The following FHIT variants were observed in gnomAD, a reference collection of about 807,000 sequenced individuals.
FHIT encodes the protein bis(5'-adenosyl)-triphosphatase.
In FHIT, 19 loss-of-function variants were observed where a neutral mutation model predicts 17.9. The observed-to-expected ratio is 1.06, with a 90% CI of 0.74 to 1.56. The LOEUF (loss-of-function observed/expected upper bound fraction) is 1.56, where lower values mean the gene tolerates loss of function less well. FHIT is among the 40% of genes most tolerant of loss of function. The pLI is 0.00. For missense variants in FHIT, 248 were observed against 189.2 expected, an observed-to-expected ratio of 1.31 and a Z score of -1.82; for synonymous variants, 81 against 69.7, an observed-to-expected ratio of 1.16 and a Z score of -0.81.
chr3:59,821,715 C>T (rs1182272011), intron 8 of FHIT, among the ~76,000 whole-genome samples: 3 of 152,114 alleles, frequency 2.0e-5, no homozygotes, highest in African/African-American at 7.2e-5. Context: ...GCCAAGATTA[C>T]AACTGTTTCC....
At chr3:61,099,982 T>C (rs2035766743) in intron 2 of FHIT, among the ~76,000 whole-genome samples, 1 of 152,154 alleles carries the variant, frequency 6.6e-6, no homozygotes, top group Admixed American at 6.6e-5. Flanking sequence ...GTTATTGTTG[T>C]CTGGTTTAGT....
intron 5 of FHIT, among the ~76,000 whole-genome samples, chr3:60,212,419 C>T (rs1703497139): frequency 6.6e-6 from 1 of 152,162 alleles, no homozygotes; most frequent in Non-Finnish European, 1.5e-5. Flanking sequence ...ATGTACATGA[C>T]AGCAGACCTC....
rs1576113035 is a variant in FHIT, at chr3:60,106,771, T to C, written c.104-92619A>G. 3.9e-5 allele frequency among the ~76,000 whole-genome samples: 6 copies of C among 152,200 alleles called. No homozygotes were observed. In the South Asian group the frequency reaches 1.0e-3, roughly 26 times the overall value. ...GTGAATCCAAAAGCCACAATATTGA[T>C]GGACGGCAGGAAACGTCCAGTATCT... On this transcript the variant is annotated intron_variant, in intron 5 of 9. Transcript: ENST00000492590.
At chr3:61,214,454 C>G (rs1300862498) in intron 1 of FHIT, among the ~76,000 whole-genome samples, 1 of 152,116 alleles carries the variant, frequency 6.6e-6, no homozygotes, top group South Asian at 2.1e-4. Context: ...AAGACTAAAG[C>G]AGGAAGAAGT....
chr3:59,925,164 T>C (rs538443535), intron 7 of FHIT, among the ~76,000 whole-genome samples: 63 of 152,126 alleles, frequency 4.1e-4, no homozygotes, highest in African/African-American at 1.5e-3. Flanking sequence ...AGTACAGTGA[T>C]ACAATCATAG....
In FHIT at chr3:60,874,560, C is replaced by T. The variant is rs371867350; in HGVS notation, c.-110-52549G>A. ...ACCTTTATCTACTTTCTACTTCTAACGGAGAACTAGAGTCCTGTTTAGAAC... is the reference window on the plus strand; with the variant it reads ...ACCTTTATCTACTTTCTACTTCTAATGGAGAACTAGAGTCCTGTTTAGAAC... On this transcript the variant is annotated intron_variant, in intron 3 of 9. Coordinates refer to ENST00000492590, the MANE Select transcript of FHIT (RefSeq NM_002012.4). Among the ~76,000 whole-genome samples, 26 of 152,254 alleles carry T rather than the reference C, an allele frequency of 1.7e-4. No homozygotes were observed. The South Asian group carries it at 3.3e-3, about 19-fold the overall frequency.
At chr3:60,588,986 A>T (rs1553663157) in intron 4 of FHIT, among the ~76,000 whole-genome samples, 1 of 152,024 alleles carries the variant, frequency 6.6e-6, no homozygotes, top group Non-Finnish European at 1.5e-5. Context: ...GCATGAGTCC[A>T]GGAAAGAATA....
chr3:60,838,328 C>A (rs1292210373), intron 3 of FHIT, among the ~76,000 whole-genome samples: 1 of 151,938 alleles, frequency 6.6e-6, no homozygotes, highest in African/African-American at 2.4e-5. Flanking sequence ...AAAAATTAGC[C>A]GGGCGTGGTG....
intron 4 of FHIT, among the ~76,000 whole-genome samples, chr3:60,796,485 T>G (rs2594170): frequency 0.39 from 60,062 of 152,086 alleles, 13,324 homozygotes; most frequent in East Asian, 0.78. Context: ...CCATAGCTCA[T>G]ATGTGTTATA....
chr3:60,919,319 A>G (rs1707160694), intron 3 of FHIT, among the ~76,000 whole-genome samples: 1 of 152,198 alleles, frequency 6.6e-6, no homozygotes, highest in Admixed American at 6.5e-5. Flanking sequence ...ATTTCATTAT[A>G]CAAACTTAAA....
At chr3:60,740,012 A>C (rs1475310906) in intron 4 of FHIT, among the ~76,000 whole-genome samples, 1 of 152,246 alleles carries the variant, frequency 6.6e-6, no homozygotes, top group African/African-American at 2.4e-5. Flanking sequence ...AATAAATAAT[A>C]GAATATCCTT....
intron 5 of FHIT, among the ~76,000 whole-genome samples, chr3:60,247,585 T>G (rs910116528): frequency 6.6e-6 from 1 of 152,170 alleles, no homozygotes. Flanking sequence ...AATCTTATCT[T>G]AAAGTTCATA....
chr3:60,202,611 A>G (rs213304), intron 5 of FHIT, among the ~76,000 whole-genome samples: 138,908 of 152,208 alleles, frequency 0.91, 63,449 homozygotes, highest in East Asian at 1. Flanking sequence ...AATCCAAACA[A>G]TCTCAGCAGG....
At chr3:60,845,669 C>T (rs548972147) in intron 3 of FHIT, among the ~76,000 whole-genome samples, 1 of 152,296 alleles carries the variant, frequency 6.6e-6, no homozygotes, top group Admixed American at 6.5e-5. Context: ...CTGATTATTT[C>T]ATATGCAGAC....
At chr3:59,991,119 A>C (rs1034004212) in intron 7 of FHIT, among the ~76,000 whole-genome samples, 14 of 152,042 alleles carry the variant, frequency 9.2e-5, no homozygotes, top group Non-Finnish European at 4.4e-5. Context: ...CATCTGTTTT[A>C]TTTAGCGAGA....
chr3:60,582,570 G>A (rs539858252), intron 4 of FHIT, among the ~76,000 whole-genome samples: 6 of 152,092 alleles, frequency 3.9e-5, no homozygotes, highest in African/African-American at 1.4e-4. Context: ...CTAAGACTGT[G>A]GCATTCACAT....
At chr3:61,222,617 G>A (rs2039869215) in intron 1 of FHIT, among the ~76,000 whole-genome samples, 1 of 152,186 alleles carries the variant, frequency 6.6e-6, no homozygotes, top group Admixed American at 6.5e-5. Flanking sequence ...AGGCTGCTGA[G>A]CCTGGGGACC....
At chr3:60,266,492 A>C (rs191474323) in intron 5 of FHIT, among the ~76,000 whole-genome samples, 1 of 152,200 alleles carries the variant, frequency 6.6e-6, no homozygotes, top group East Asian at 1.9e-4. Context: ...TAGTTGCACA[A>C]TTCTGATAAT....
At chr3:60,820,724 C>T (rs1701894625) in intron 4 of FHIT, among the ~76,000 whole-genome samples, 1 of 152,092 alleles carries the variant, frequency 6.6e-6, no homozygotes, top group Non-Finnish European at 1.5e-5. Flanking sequence ...TAACCGGAAG[C>T]AGGAAAAGGA....
Sources: allele counts gnomAD v4.1 joint callset (sites outside exome capture counted in the v4.1 genomes callset), GRCh38; gene constraint gnomAD v4.1.1; transcripts MANE v1.5; gene names NCBI Gene and HGNC (gene_info 2026-07-23, HGNC 2026-07-21).